Variants in PPM1D observed in about 807,000 individuals in gnomAD.
PPM1D encodes protein phosphatase, Mg2+/Mn2+ dependent 1D.
Under a neutral mutation model 58.3 loss-of-function variants are expected in PPM1D, and 52 were observed. The observed-to-expected ratio is 0.89, with a 90% CI of 0.71 to 1.12. The LOEUF is 1.12. Ranked by LOEUF, PPM1D falls within the 50% of genes most tolerant of loss-of-function variation. PPM1D has a pLI of 0.00. For missense variants in PPM1D, 564 were observed against 777.2 expected (o/e 0.73, Z 3.26); for synonymous variants, 278 against 285.1 (o/e 0.98, Z 0.25).
intron 5 of PPM1D, among the ~76,000 whole-genome samples, chr17:60,660,588 C>G (rs922769600): frequency 6.6e-6 from 1 of 151,846 alleles, no homozygotes; most frequent in Non-Finnish European, 1.5e-5. Flanking sequence ...TGGTGAAACC[C>G]CATCTCTACT....
intron 3 of PPM1D, among the ~76,000 whole-genome samples, chr17:60,635,668 C>G (rs1455918517): frequency 6.6e-6 from 1 of 152,170 alleles, no homozygotes; most frequent in Non-Finnish European, 1.5e-5. Flanking sequence ...AACATGGACT[C>G]TCTAGCCACT....
At chr17:60,645,456 A>ATATGTG (rs1555647633) in intron 3 of PPM1D, among the ~76,000 whole-genome samples, 13 of 123,908 alleles carry the variant, frequency 1.0e-4, no homozygotes, top group Non-Finnish European at 1.5e-4. Context: ...TAAAATATAT[A>ATATGTG]TGTGTGTGTG....
chr17:60,640,837 G>C (rs943810592), intron 3 of PPM1D, among the ~76,000 whole-genome samples: 6 of 140,024 alleles, frequency 4.3e-5, no homozygotes, highest in African/African-American at 1.9e-4. Flanking sequence ...CTTTTATTTA[G>C]AAATTTAGAA....
intron 4 of PPM1D, 126 bp from the exon 5 acceptor site, chr17:60,656,473 G>T: frequency 1.0e-5 from 10 of 967,880 alleles, no homozygotes; most frequent in Non-Finnish European, 1.3e-5. Flanking sequence ...AAAGAGAAAA[G>T]AAAAAAAAAA....
At chr17:60,624,353 T>C (rs971362529) in intron 2 of PPM1D, among the ~76,000 whole-genome samples, 1 of 152,224 alleles carries the variant, frequency 6.6e-6, no homozygotes, top group Non-Finnish European at 1.5e-5. Flanking sequence ...ATTGAGGATA[T>C]GAGGCAAGTT....
intron 1 of PPM1D, among the ~76,000 whole-genome samples, chr17:60,614,090 G>A (rs1333632848): frequency 2.7e-5 from 4 of 147,708 alleles, no homozygotes; most frequent in Non-Finnish European, 6.1e-5. Flanking sequence ...TGCAAAGCCA[G>A]CTGGGCTCCT....
chr17:60,617,579 G>GT (rs1229899347), intron 1 of PPM1D, among the ~76,000 whole-genome samples: 1 of 151,706 alleles, frequency 6.6e-6, no homozygotes, highest in African/African-American at 2.4e-5. Flanking sequence ...AGAAGAAAGG[G>GT]TTTTATCAAA....
intron 1 of PPM1D, among the ~76,000 whole-genome samples, 166 bp downstream of exon 1, chr17:60,601,052 A>T (rs184988203): frequency 4.2e-4 from 64 of 152,326 alleles, no homozygotes; most frequent in African/African-American, 1.4e-3. Flanking sequence ...GGTCCGGGCA[A>T]ACCAAGCGGC....
intron 1 of PPM1D, among the ~76,000 whole-genome samples, chr17:60,607,221 A>G (rs1598398548): frequency 1.3e-5 from 2 of 151,992 alleles, no homozygotes; most frequent in African/African-American, 2.4e-5. Flanking sequence ...ATACTCACAT[A>G]TATATGTTTA....
At chr17:60,627,403 T>C (rs1194384621) in intron 2 of PPM1D, among the ~76,000 whole-genome samples, 1 of 151,810 alleles carries the variant, frequency 6.6e-6, no homozygotes, top group Non-Finnish European at 1.5e-5. Context: ...TGTGCCAACA[T>C]GCCAGCTAAT....
At chr17:60,603,689 G>A (rs1334292308) in intron 1 of PPM1D, among the ~76,000 whole-genome samples, 2 of 152,108 alleles carry the variant, frequency 1.3e-5, no homozygotes, top group African/African-American at 4.8e-5. Flanking sequence ...GCTTGAACCC[G>A]CGAGGCGGAG....
chr17:60,626,850 T>C (rs2030820728), intron 2 of PPM1D, among the ~76,000 whole-genome samples: 1 of 152,152 alleles, frequency 6.6e-6, no homozygotes, highest in Non-Finnish European at 1.5e-5. Context: ...GCTTCAGTAA[T>C]GTTTTAATTT....
In PPM1D at chr17:60,656,322, G is replaced by A. The variant is rs181419768; in HGVS notation, c.1018-277G>A. Reference sequence around the variant, plus strand: ...CAAAAAATTAGCCGGCCATGGTGGCGGGCGCCTGTAGTCCTAGCTACTCGG... The same window carrying A: ...CAAAAAATTAGCCGGCCATGGTGGCAGGCGCCTGTAGTCCTAGCTACTCGG... On this transcript the variant is annotated intron_variant, in intron 4 of 5. Transcript: ENST00000305921. 5.2e-4 allele frequency among the ~76,000 whole-genome samples: 79 copies of A among 151,388 alleles called. No homozygotes were observed. The East Asian group carries it at 0.014, about 26-fold the overall frequency.
intron 1 of PPM1D, among the ~76,000 whole-genome samples, chr17:60,613,840 C>G (rs1041267574): frequency 6.6e-6 from 1 of 152,124 alleles, no homozygotes; most frequent in Admixed American, 6.5e-5. Context: ...CGGGCCTTAG[C>G]TGACTCCCCA....
rs1335022007 is a variant in PPM1D at position 60,662,940 on chromosome 17, T to C, written c.1261-55T>C. ...GAAGCCTAATATCACATGCATAGAT[T>C]TGTTGAGTTCTGGGATAAATTTTTT... On this transcript the variant is annotated intron_variant, in intron 5 of 5. Transcript: ENST00000305921. The C allele has an allele frequency of 2.7e-6, 4 of 1,483,414 alleles. No homozygotes were observed. The East Asian group carries it at 9.1e-5, about 34-fold the overall frequency. 91.9% of individuals were successfully genotyped at this position (1,483,414 alleles called of 1,614,324 possible). A position where few individuals can be genotyped will look rare whatever the true frequency, so the allele number is the denominator to read the frequency against.
At position 60,664,029 on chromosome 17, in the gene PPM1D, A is replaced by C. The variant is rs904524999; in HGVS notation, c.*477A>C. 1 of 155,242 alleles carries C rather than the reference A, an allele frequency of 6.4e-6. No homozygotes were observed. Among genetic ancestry groups the C allele is most frequent in the African/African-American group, 2.4e-5 (1 of 41,436 alleles). The allele number at this position is 155,242 out of a possible 1,614,324, so 9.6% of individuals were successfully genotyped here. Reference sequence around the variant, plus strand: ...TTCATAGTGACCTGTGTTTCACTTAATGTTTCTTAGAGCCAAGTGTCTTTT... The same window carrying C: ...TTCATAGTGACCTGTGTTTCACTTACTGTTTCTTAGAGCCAAGTGTCTTTT... On this transcript the variant is annotated 3_prime_UTR_variant, in exon 6 of 6. Transcript: ENST00000305921.
intron 2 of PPM1D, among the ~76,000 whole-genome samples, chr17:60,626,889 T>C (rs2030821574): frequency 6.6e-6 from 1 of 152,216 alleles, no homozygotes; most frequent in African/African-American, 2.4e-5. Context: ...ATATTGAATC[T>C]TTTTATATAT....
chr17:60,656,899 C>T lies in PPM1D; in HGVS notation c.1260+58C>T, dbSNP rs201321982. On this transcript the variant is annotated intron_variant, in intron 5 of 5. Transcript: ENST00000305921. ...TAATAGACACCAGTTCTTTGGTTAG[C>T]GTCACCTGGAAACAATTTTTAAATT... 393 of 1,609,744 alleles carry T rather than the reference C, an allele frequency of 2.4e-4. 3 individuals carry two copies. The highest frequency in any genetic ancestry group is 3.3e-4 in the Admixed American group (20 of 59,856).
intron 3 of PPM1D, among the ~76,000 whole-genome samples, chr17:60,644,158 T>C (rs368163715): frequency 2.4e-4 from 36 of 147,774 alleles, no homozygotes; most frequent in African/African-American, 8.5e-4. Context: ...GGATTACAGG[T>C]GTGAGCCACC....
Sources: gnomAD v4.1 joint callset for allele counts (sites outside exome capture counted in the v4.1 genomes callset) on GRCh38, gnomAD v4.1.1 for gene constraint, MANE v1.5 for transcripts, NCBI Gene and HGNC (gene_info 2026-07-23, HGNC 2026-07-21) for gene names.